Variants in PTPRD observed in about 807,000 individuals in gnomAD.
PTPRD encodes the protein receptor-type tyrosine-protein phosphatase delta.
Under a neutral mutation model 214.5 loss-of-function variants are expected in PTPRD, and 34 were observed. The ratio of observed to expected loss-of-function variants is 0.16; its 90% CI spans 0.12 to 0.21. The LOEUF is 0.21. Ranked by LOEUF, PTPRD falls within the 10% of genes least tolerant of loss-of-function variation. PTPRD has a pLI of 1.00. For missense variants in PTPRD, 2,545 were observed against 2,398.7 expected, an observed-to-expected ratio of 1.06 and a Z score of -1.27; for synonymous variants, 1,128 against 845.7, an observed-to-expected ratio of 1.33 and a Z score of -5.79.
chr9:8,938,345 C>T (rs1318198822), intron 11 of PTPRD, among the ~76,000 whole-genome samples: 1 of 151,914 alleles, frequency 6.6e-6, no homozygotes, highest in Non-Finnish European at 1.5e-5. Flanking sequence ...GAAATGAATT[C>T]AAAACACAGC....
chr9:9,806,399 C>A (rs192082604), intron 5 of PTPRD, among the ~76,000 whole-genome samples: 1 of 152,242 alleles, frequency 6.6e-6, no homozygotes, highest in East Asian at 1.9e-4. Context: ...TGATAATGTA[C>A]TTTGTGATAT....
intron 3 of PTPRD, among the ~76,000 whole-genome samples, chr9:10,128,212 G>C (rs1327249896): frequency 6.6e-6 from 1 of 152,046 alleles, no homozygotes; most frequent in African/African-American, 2.4e-5. Flanking sequence ...GTTGAATTGT[G>C]TACCCCAAAT....
intron 11 of PTPRD, among the ~76,000 whole-genome samples, chr9:8,761,529 A>T (rs1373239604): frequency 6.6e-6 from 1 of 152,156 alleles, no homozygotes; most frequent in African/African-American, 2.4e-5. Context: ...TTTTCATGAG[A>T]TTTTAAAACC....
chr9:9,004,649 A>C (rs1234305084), intron 11 of PTPRD, among the ~76,000 whole-genome samples: 1 of 152,090 alleles, frequency 6.6e-6, no homozygotes, highest in African/African-American at 2.4e-5. Context: ...TGTTTGGATG[A>C]TATAACCACC....
intron 14 of PTPRD, among the ~76,000 whole-genome samples, chr9:8,590,026 C>T (rs12000186): frequency 0.076 from 11,571 of 152,010 alleles, 1,449 homozygotes; most frequent in African/African-American, 0.26. Flanking sequence ...TTATGAACGT[C>T]GGTTTTTGCA....
At chr9:8,462,198 T>C (rs2134256106) in intron 32 of PTPRD, among the ~76,000 whole-genome samples, 1 of 152,134 alleles carries the variant, frequency 6.6e-6, no homozygotes, top group South Asian at 2.1e-4. Context: ...TCCTCCTCAC[T>C]TCCCAAATTC....
chr9:8,601,828 C>T (rs1032966402), intron 14 of PTPRD, among the ~76,000 whole-genome samples: 6 of 152,160 alleles, frequency 3.9e-5, no homozygotes, highest in East Asian at 1.9e-4. Flanking sequence ...GAAAACCATA[C>T]ATTTATTAAT....
intron 14 of PTPRD, among the ~76,000 whole-genome samples, chr9:8,553,923 T>A (rs1210753122): frequency 1.3e-5 from 2 of 152,030 alleles, no homozygotes; most frequent in African/African-American, 4.8e-5. Flanking sequence ...GCGCGGTGGC[T>A]CACGCCTGTA....
chr9:10,438,961 T>A (rs1194530653), intron 2 of PTPRD, among the ~76,000 whole-genome samples: 4 of 151,708 alleles, frequency 2.6e-5, no homozygotes, highest in Non-Finnish European at 1.5e-5. Flanking sequence ...TCTCTGTGTA[T>A]CCACGCTTTT....
chr9:9,725,714 G>T (rs1438105744), intron 7 of PTPRD, among the ~76,000 whole-genome samples: 1 of 152,090 alleles, frequency 6.6e-6, no homozygotes. Context: ...TTTTCTTCAA[G>T]AAGAATAAAC....
At chr9:8,705,032 T>C (rs765946656) in intron 12 of PTPRD, among the ~76,000 whole-genome samples, 17 of 152,184 alleles carry the variant, frequency 1.1e-4, no homozygotes, top group Non-Finnish European at 2.4e-4. Context: ...ATCATATCCA[T>C]GTAAAACAGG....
intron 2 of PTPRD, among the ~76,000 whole-genome samples, chr9:10,382,873 T>G (rs531509356): frequency 1.3e-5 from 2 of 151,846 alleles, no homozygotes; most frequent in Non-Finnish European, 2.9e-5. Flanking sequence ...AAGCTTCTGA[T>G]AGAATCTTCC....
chr9:8,625,268 T>A (rs188175279), intron 14 of PTPRD, among the ~76,000 whole-genome samples: 4 of 152,018 alleles, frequency 2.6e-5, no homozygotes, highest in Non-Finnish European at 1.5e-5. Flanking sequence ...TTTGTATAAA[T>A]ATTGATAGTT....
intron 5 of PTPRD, among the ~76,000 whole-genome samples, chr9:9,874,547 A>G (rs2066337298): frequency 6.6e-6 from 1 of 152,202 alleles, no homozygotes; most frequent in Non-Finnish European, 1.5e-5. Context: ...TGCTAGATTT[A>G]GCAAAATGTA....
chr9:9,087,494 G>A (rs1472545005), intron 10 of PTPRD, among the ~76,000 whole-genome samples: 1 of 152,066 alleles, frequency 6.6e-6, no homozygotes, highest in Non-Finnish European at 1.5e-5. Context: ...AAATGTAGGT[G>A]GCATTTCAAG....
intron 12 of PTPRD, among the ~76,000 whole-genome samples, chr9:8,698,322 A>G (rs1215540281): frequency 1.3e-5 from 2 of 152,202 alleles, no homozygotes; most frequent in Non-Finnish European, 2.9e-5. Context: ...GCTGGTGAAA[A>G]TCAAGAATCA....
At chr9:10,411,355 A>T (rs1229400533) in intron 2 of PTPRD, among the ~76,000 whole-genome samples, 1 of 151,820 alleles carries the variant, frequency 6.6e-6, no homozygotes, top group African/African-American at 2.4e-5. Flanking sequence ...AGTTAGGAAC[A>T]GGATTTCCCA....
intron 9 of PTPRD, among the ~76,000 whole-genome samples, chr9:9,277,945 G>T (rs1172014080): frequency 6.6e-6 from 1 of 151,236 alleles, no homozygotes; most frequent in Non-Finnish European, 1.5e-5. Context: ...TTTTTTCATT[G>T]AAAGGATAAT....
intron 4 of PTPRD, among the ~76,000 whole-genome samples, chr9:9,994,592 C>T (rs190415454): frequency 6.6e-6 from 1 of 151,714 alleles, no homozygotes; most frequent in Non-Finnish European, 1.5e-5. Context: ...AAGAACAAAA[C>T]CTAAAAGCAT....
Sources: gnomAD v4.1 joint callset for allele counts (sites outside exome capture counted in the v4.1 genomes callset) on GRCh38, gnomAD v4.1.1 for gene constraint, MANE v1.5 for transcripts, NCBI Gene and HGNC (gene_info 2026-07-23, HGNC 2026-07-21) for gene names.